The following PCDHA3 variants were observed in gnomAD, a reference collection of about 807,000 sequenced individuals.
PCDHA3 encodes protocadherin alpha-3.
PCDHA3 carries 41 observed loss-of-function variants against 62.2 expected under a neutral mutation model. The observed-to-expected ratio is 0.66, with a 90% confidence interval of 0.51 to 0.86. PCDHA3 has a LOEUF of 0.86. Among genes scored for constraint, PCDHA3 ranks in the 40% least tolerant of loss-of-function variants. PCDHA3 has a pLI of 0.00. For missense variants in PCDHA3, 1,304 were observed against 1,241.2 expected (o/e 1.05, Z -0.76); for synonymous variants, 640 against 555.4 (o/e 1.15, Z -2.14).
intron 1 of PCDHA3, chr5:140,856,729 G>T: frequency 1.3e-6 from 2 of 1,595,560 alleles, no homozygotes; most frequent in East Asian, 2.2e-5. Flanking sequence ...CTGTTTCTCT[G>T]CTGATCCTGG....
At chr5:140,862,614 C>A (rs939104961) in intron 1 of PCDHA3, 11 of 523,250 alleles carry the variant, frequency 2.1e-5, no homozygotes, top group Non-Finnish European at 3.9e-5. Flanking sequence ...TGAAAGGTAA[C>A]AACCCGCGGG....
At position 140,975,481 on chromosome 5, in the gene PCDHA3, T is replaced by C. The variant is rs566642912; in HGVS notation, c.2395-3468T>C. Among the ~76,000 whole-genome samples, 225 of 152,370 alleles carry C rather than the reference T, an allele frequency of 1.5e-3. 1 individual carries two copies. The highest frequency in any genetic ancestry group is 5.2e-3 in the African/African-American group (216 of 41,590). ...TCTTGGAATTCTGCCTATCAGTTTA[T>C]ATCAATGTTCATAAAATAGCACTAT... On this transcript the variant is annotated intron_variant, in intron 1 of 3. Transcript: ENST00000522353.
chr5:140,917,485 C>T (rs191372458), intron 1 of PCDHA3, among the ~76,000 whole-genome samples: 1 of 152,326 alleles, frequency 6.6e-6, no homozygotes, highest in Admixed American at 6.5e-5. Flanking sequence ...TTGCCAGGGC[C>T]TATGCCCAGA....
chr5:140,838,077 AGTGTGTGTGT>A (rs57130401), intron 1 of PCDHA3, among the ~76,000 whole-genome samples: 3,081 of 80,626 alleles, frequency 0.038, 55 homozygotes, highest in African/African-American at 0.095. Context: ...ATATATATAT[AGTGTGTGTGT>A]GTGTGTGTGT....
chr5:140,805,493 A>G (rs1021980575), intron 1 of PCDHA3: 16 of 991,492 alleles, frequency 1.6e-5, no homozygotes, highest in South Asian at 9.3e-5. Context: ...GCGTAAAGCT[A>G]TTTTCACTAG....
intron 1 of PCDHA3, among the ~76,000 whole-genome samples, chr5:140,918,702 G>A (rs2078814490): frequency 6.6e-6 from 1 of 152,150 alleles, no homozygotes; most frequent in Non-Finnish European, 1.5e-5. Flanking sequence ...ATTAAGTCAT[G>A]AGGGCAGAGC....
chr5:140,892,757 A>G lies in PCDHA3; in HGVS notation c.2395-86192A>G, dbSNP rs140291258. 8.0e-3 allele frequency among the ~76,000 whole-genome samples: 1,217 copies of G among 152,310 alleles called. 7 individuals carry two copies. Among genetic ancestry groups the G allele is most frequent in the African/African-American group, 0.019 (784 of 41,562 alleles). ...CCATTTTTGCATGGTGAACATTTAA[A>G]ATCCACTCTTCTAGCTTCTTGAAAA... On this transcript the variant is annotated intron_variant, in intron 1 of 3. Transcript: ENST00000522353.
intron 1 of PCDHA3, among the ~76,000 whole-genome samples, chr5:140,827,171 A>G (rs1444292153): frequency 1.3e-5 from 2 of 152,212 alleles, no homozygotes; most frequent in African/African-American, 4.8e-5. Context: ...AAATACCTCA[A>G]TAAAAGTCTT....
chr5:140,851,802 T>G (rs1303108162), intron 1 of PCDHA3: 1 of 945,220 alleles, frequency 1.1e-6, no homozygotes, highest in Admixed American at 6.3e-5. Flanking sequence ...GTTCTGTCAG[T>G]AATCCATAAG....
chr5:140,882,972 T>C, intron 1 of PCDHA3: 1 of 1,614,190 alleles, frequency 6.2e-7, no homozygotes, highest in Non-Finnish European at 8.5e-7. Context: ...ATTCTGGACG[T>C]GAATGACAAC....
chr5:140,946,457 C>T (rs1480427132), intron 1 of PCDHA3, among the ~76,000 whole-genome samples: 2 of 151,612 alleles, frequency 1.3e-5, no homozygotes, highest in Non-Finnish European at 3.0e-5. Flanking sequence ...AACTATCCAG[C>T]AATCCCACTA....
At chr5:140,915,995 C>T (rs1256886751) in intron 1 of PCDHA3, among the ~76,000 whole-genome samples, 4 of 152,180 alleles carry the variant, frequency 2.6e-5, no homozygotes, top group African/African-American at 4.8e-5. Context: ...TAAGCTGGCA[C>T]TCAAACCACA....
intron 1 of PCDHA3, among the ~76,000 whole-genome samples, chr5:140,902,686 A>G (rs1038713623): frequency 2.0e-5 from 3 of 152,090 alleles, no homozygotes; most frequent in Non-Finnish European, 4.4e-5. Context: ...CGTACCTAAT[A>G]TGTGTAGTCT....
chr5:140,967,745 G>T, intron 1 of PCDHA3: 1 of 1,614,184 alleles, frequency 6.2e-7, no homozygotes, highest in Non-Finnish European at 8.5e-7. Flanking sequence ...GGATTATGAG[G>T]AAGCCTCCTC....
At chr5:140,883,774 T>C (rs782252577) in intron 1 of PCDHA3, 10 of 1,612,152 alleles carry the variant, frequency 6.2e-6, no homozygotes, top group South Asian at 5.5e-5. Flanking sequence ...TGGGCGAGCG[T>C]GCGCTGTCGA....
chr5:140,967,727 G>A, intron 1 of PCDHA3: 1 of 1,614,148 alleles, frequency 6.2e-7, no homozygotes. Context: ...GCGAGTAATT[G>A]GGGGGCTGGA....
At chr5:140,822,673 G>T in intron 1 of PCDHA3, 1 of 1,608,644 alleles carries the variant, frequency 6.2e-7, no homozygotes, top group East Asian at 2.2e-5. Flanking sequence ...TAATACTGGT[G>T]AAATAAAAGT....
At chr5:140,968,909 G>A (rs782304408) in intron 1 of PCDHA3, 7 of 1,614,172 alleles carry the variant, frequency 4.3e-6, no homozygotes, top group Non-Finnish European at 5.1e-6. Context: ...ATTAAGCACA[G>A]TGTCTTTTAT....
At chr5:140,886,951 C>T (rs1277166050) in intron 1 of PCDHA3, among the ~76,000 whole-genome samples, 1 of 151,696 alleles carries the variant, frequency 6.6e-6, no homozygotes, top group Non-Finnish European at 1.5e-5. Flanking sequence ...ACACATTAGA[C>T]ATTTAGCAAC....
Sources: allele counts gnomAD v4.1 joint callset (sites outside exome capture counted in the v4.1 genomes callset), GRCh38; gene constraint gnomAD v4.1.1; transcripts MANE v1.5; gene names NCBI Gene and HGNC (gene_info 2026-07-23, HGNC 2026-07-21).